The following CDC14A variants were observed in gnomAD, a reference collection of about 807,000 sequenced individuals.
CDC14A encodes cell division cycle 14A.
Under a neutral mutation model 74.4 loss-of-function variants are expected in CDC14A, and 53 were observed. That is an observed-to-expected ratio of 0.71 (90% CI 0.57 to 0.89). The LOEUF (loss-of-function observed/expected upper bound fraction) is 0.89, where lower values mean the gene tolerates loss of function less well. Among genes scored for constraint, CDC14A ranks in the 40% least tolerant of loss-of-function variants. The pLI, the probability that CDC14A is intolerant of heterozygous loss-of-function variation, is 0.00. For synonymous variants in CDC14A, 247 were observed against 258.4 expected, an observed-to-expected ratio of 0.96 and a Z score of 0.43; for missense variants, 646 against 713.7, an observed-to-expected ratio of 0.91 and a Z score of 1.08.
chr1:100,445,879 AT>A (rs1221608308), intron 7 of CDC14A, among the ~76,000 whole-genome samples: 2 of 152,236 alleles, frequency 1.3e-5, no homozygotes, highest in African/African-American at 4.8e-5. Context: ...TATAAAGCCT[AT>A]AAAATAGAAA....
rs187579932 is a variant in CDC14A at position 100,434,604 on chromosome 1, G to A, written c.390-5328G>A. The stretch of plus-strand genomic sequence containing the variant: ...TGCATTCAAGAGATATTTAAGAGGT[G>A]AAACCAATGGTGCATAGTGAGGGAT... On this transcript the variant is annotated intron_variant, in intron 5 of 15. Coordinates refer to ENST00000336454, the MANE Select transcript of CDC14A (RefSeq NM_003672.4). Among the ~76,000 whole-genome samples, 4 of 152,308 alleles carry A rather than the reference G, an allele frequency of 2.6e-5. No individual in the cohort carries two copies. In the East Asian group the frequency reaches 7.7e-4, roughly 29 times the overall value.
intron 2 of CDC14A, among the ~76,000 whole-genome samples, chr1:100,366,312 TTGAA>T (rs1653598956): frequency 6.6e-6 from 1 of 152,264 alleles, no homozygotes; most frequent in African/African-American, 2.4e-5. Flanking sequence ...ATAAATTTTG[TTGAA>T]TGAATGAGTA....
At chr1:100,416,616 G>A (rs1456551729) in intron 4 of CDC14A, among the ~76,000 whole-genome samples, 3 of 152,112 alleles carry the variant, frequency 2.0e-5, no homozygotes, top group Non-Finnish European at 2.9e-5. Context: ...GGGCTTTAGG[G>A]TGAAGGTGTG....
chr1:100,500,639 C>G (rs1361011513), intron 15 of CDC14A, among the ~76,000 whole-genome samples: 1 of 148,686 alleles, frequency 6.7e-6, no homozygotes, highest in Non-Finnish European at 1.5e-5. Context: ...CACCTGTAAT[C>G]CCAGCTACCA....
At chr1:100,513,838 T>A (rs1413663971) in intron 15 of CDC14A, among the ~76,000 whole-genome samples, 1 of 152,172 alleles carries the variant, frequency 6.6e-6, no homozygotes. Context: ...TACCTAACAC[T>A]TTGTTTTATG....
At chr1:100,513,467 A>G (rs1330628318) in intron 15 of CDC14A, among the ~76,000 whole-genome samples, 1 of 152,174 alleles carries the variant, frequency 6.6e-6, no homozygotes, top group Non-Finnish European at 1.5e-5. Context: ...AAAAAAGTCC[A>G]TGAACATTTT....
chr1:100,492,902 T>A (rs529948457), intron 11 of CDC14A, among the ~76,000 whole-genome samples: 1 of 151,862 alleles, frequency 6.6e-6, no homozygotes, highest in Admixed American at 6.6e-5. Flanking sequence ...GTGTGTGAAG[T>A]CCTAGGATCA....
chr1:100,350,835 C>G (rs1015052823), upstream of CDC14A, among the ~76,000 whole-genome samples: 2 of 152,152 alleles, frequency 1.3e-5, no homozygotes, highest in Non-Finnish European at 2.9e-5. Flanking sequence ...GCAAGTTTAT[C>G]GAGAGATTCA....
chr1:100,409,408 T>C (rs1480805207), intron 4 of CDC14A, among the ~76,000 whole-genome samples: 1 of 152,122 alleles, frequency 6.6e-6, no homozygotes, highest in African/African-American at 2.4e-5. Flanking sequence ...TTCCCAACAG[T>C]CCCTCAGAGT....
intron 5 of CDC14A, among the ~76,000 whole-genome samples, chr1:100,424,706 C>A (rs940400195): frequency 6.6e-6 from 1 of 152,134 alleles, no homozygotes; most frequent in African/African-American, 2.4e-5. Flanking sequence ...TAGAATAAGA[C>A]CCTCTAAGAT....
At chr1:100,497,334 T>C (rs1188222276) in intron 13 of CDC14A, among the ~76,000 whole-genome samples, 1 of 152,156 alleles carries the variant, frequency 6.6e-6, no homozygotes, top group Middle Eastern at 3.2e-3. Flanking sequence ...ACGCTACCCA[T>C]TCAGGGAACT....
chr1:100,352,258 C>G (rs569546142), upstream of CDC14A, among the ~76,000 whole-genome samples: 13 of 152,294 alleles, frequency 8.5e-5, no homozygotes, highest in African/African-American at 3.1e-4. Context: ...CCGAGGGCCC[C>G]GTTTCCTGAA....
chr1:100,351,973 A>T (rs1346336233), upstream of CDC14A, among the ~76,000 whole-genome samples: 1 of 146,176 alleles, frequency 6.8e-6, no homozygotes, highest in South Asian at 2.2e-4. Flanking sequence ...GGTTTTTACG[A>T]GTGTGTGTGT....
chr1:100,451,096 G>C (rs920555142), intron 7 of CDC14A, among the ~76,000 whole-genome samples: 1 of 152,134 alleles, frequency 6.6e-6, no homozygotes, highest in Non-Finnish European at 1.5e-5. Context: ...GGTTCTTGAG[G>C]ACCTCATGAT....
chr1:100,496,924 G>A (rs1387631775), intron 13 of CDC14A, among the ~76,000 whole-genome samples: 1 of 152,120 alleles, frequency 6.6e-6, no homozygotes, highest in African/African-American at 2.4e-5. Context: ...CTGGGCCCTG[G>A]CTCTCCAGAT....
At chr1:100,382,720 A>C (rs908103768) in intron 3 of CDC14A, among the ~76,000 whole-genome samples, 1 of 152,242 alleles carries the variant, frequency 6.6e-6, no homozygotes, top group African/African-American at 2.4e-5. Context: ...ATTTTAAAAA[A>C]GGATTAAAGG....
chr1:100,433,292 C>A (rs1209706314), intron 5 of CDC14A, among the ~76,000 whole-genome samples: 2 of 152,160 alleles, frequency 1.3e-5, no homozygotes, highest in African/African-American at 4.8e-5. Flanking sequence ...TTAGCAACAT[C>A]TATAACATAC....
chr1:100,354,880 G>GT (rs1393466069), intron 2 of CDC14A, among the ~76,000 whole-genome samples: 1 of 152,226 alleles, frequency 6.6e-6, no homozygotes, highest in Non-Finnish European at 1.5e-5. Flanking sequence ...TCTTCGAAGA[G>GT]TAAGTGTTCT....
intron 2 of CDC14A, among the ~76,000 whole-genome samples, chr1:100,367,053 G>A (rs1653734633): frequency 6.6e-6 from 1 of 152,126 alleles, no homozygotes; most frequent in African/African-American, 2.4e-5. Context: ...GGCTCTGGAA[G>A]CCTTTTCCTA....
Sources: allele counts gnomAD v4.1 joint callset (sites outside exome capture counted in the v4.1 genomes callset), GRCh38; gene constraint gnomAD v4.1.1; transcripts MANE v1.5; gene names NCBI Gene and HGNC (gene_info 2026-07-23, HGNC 2026-07-21).